The following PIK3R1 variants were observed in gnomAD, a reference collection of about 807,000 sequenced individuals.
The protein encoded by PIK3R1 is phosphoinositide-3-kinase regulatory subunit 1.
In PIK3R1, 29 loss-of-function variants were observed where a neutral mutation model predicts 98.0. The observed-to-expected ratio is 0.30, with a 90% CI of 0.22 to 0.40. The LOEUF is 0.40. Among genes scored for constraint, PIK3R1 ranks in the 10% least tolerant of loss-of-function variants. The pLI is 1.00. For missense variants in PIK3R1, 596 were observed against 872.7 expected (o/e 0.68, Z 3.99); for synonymous variants, 282 against 311.8 (o/e 0.90, Z 1.01).
chr5:68,265,190 C>T lies in PIK3R1; in HGVS notation c.335-8200C>T, dbSNP rs147562938. ...CTGCACCCCGACCTCCTGAATCAGG[C>T]TGTTAATATGTACATTAAAGTTGGG... On this transcript the variant is annotated intron_variant, in intron 2 of 15. Transcript: ENST00000521381. Among the ~76,000 whole-genome samples, 684 of 151,290 alleles carry T rather than the reference C, an allele frequency of 4.5e-3. 6 individuals are homozygous for T. Among genetic ancestry groups the T allele is most frequent in the African/African-American group, 0.016 (662 of 41,080 alleles).
At chr5:68,273,909 A>G (rs1561285280) in intron 3 of PIK3R1, 30 bp from the exon 4 acceptor site, 5 of 1,574,838 alleles carry the variant, frequency 3.2e-6, no homozygotes, top group Non-Finnish European at 4.4e-6. Context: ...TGTTTTGCAT[A>G]CATGGTCTGT....
chr5:68,224,339 T>G (rs1204287138), intron 1 of PIK3R1, among the ~76,000 whole-genome samples: 1 of 152,244 alleles, frequency 6.6e-6, no homozygotes, highest in African/African-American at 2.4e-5. Context: ...ATAATATAGC[T>G]TATTTTTCTG....
intron 4 of PIK3R1, among the ~76,000 whole-genome samples, chr5:68,279,111 G>C (rs188958227): frequency 6.6e-6 from 1 of 152,258 alleles, no homozygotes; most frequent in African/African-American, 2.4e-5. Context: ...GTCTCTCTCT[G>C]TGTCCTCATT....
intron 2 of PIK3R1, among the ~76,000 whole-genome samples, chr5:68,271,600 C>A (rs114190419): frequency 3.1e-4 from 47 of 152,250 alleles, no homozygotes; most frequent in Admixed American, 7.2e-4. Context: ...AAATTCAGTT[C>A]TTCACTGGGA....
rs1386976488 is a variant in PIK3R1 at position 68,217,653 on chromosome 5, T to TGTGTGTGTGTGTGCGCGCGCGCGCGC, written c.-387+1705_-387+1706insTGTGTGTGTGTGCGCGCGCGCGCGCG. 4.8e-4 allele frequency: 72 copies of TGTGTGTGTGTGTGCGCGCGCGCGCGC among 149,376 alleles called. 1 individual carries two copies. Among genetic ancestry groups the TGTGTGTGTGTGTGCGCGCGCGCGCGC allele is most frequent in the African/African-American group, 1.6e-3 (65 of 40,136 alleles). The allele number at this position is 149,376 out of a possible 1,614,324, so 9.3% of individuals were successfully genotyped here. A position where few individuals can be genotyped will look rare whatever the true frequency, so the allele number is the denominator to read the frequency against. ...GGGTGTGTGTGTGTGTGTGTGTGTG[T>TGTGTGTGTGTGTGCGCGCGCGCGCGC]GCGCGCGCGTGCCTGCGGCTAAAGT... On this transcript the variant is annotated intron_variant, in intron 1 of 15. Coordinates refer to ENST00000521381, the MANE Select transcript of PIK3R1 (RefSeq NM_181523.3).
intron 2 of PIK3R1, among the ~76,000 whole-genome samples, chr5:68,235,347 G>C (rs1301387582): frequency 7.2e-5 from 11 of 151,970 alleles, no homozygotes; most frequent in Non-Finnish European, 5.9e-5. Flanking sequence ...AGGTTGCAGT[G>C]AGCCGAGATT....
chr5:68,240,132 A>G (rs1001892431), intron 2 of PIK3R1, among the ~76,000 whole-genome samples: 1 of 150,182 alleles, frequency 6.7e-6, no homozygotes, highest in Non-Finnish European at 1.5e-5. Flanking sequence ...GTATAAATAT[A>G]TATTTGTATA....
At chr5:68,285,364 A>G (rs1365716969) in intron 7 of PIK3R1, among the ~76,000 whole-genome samples, 1 of 152,238 alleles carries the variant, frequency 6.6e-6, no homozygotes, top group East Asian at 1.9e-4. Context: ...AACCCAGACT[A>G]AAGGCAAGCA....
intron 2 of PIK3R1, among the ~76,000 whole-genome samples, chr5:68,262,403 T>TATATATAC (rs33968242): frequency 0.045 from 6,254 of 140,438 alleles, 194 homozygotes; most frequent in African/African-American, 0.061. Flanking sequence ...TATATATATA[T>TATATATAC]ACACACACGC....
intron 2 of PIK3R1, among the ~76,000 whole-genome samples, chr5:68,236,335 C>T (rs1219055779): frequency 6.6e-6 from 1 of 150,396 alleles, no homozygotes; most frequent in East Asian, 2.0e-4. Flanking sequence ...CTGCAAGCTC[C>T]GCCTCCTGGG....
chr5:68,216,773 T>A (rs574976924), intron 1 of PIK3R1, among the ~76,000 whole-genome samples: 19 of 152,284 alleles, frequency 1.2e-4, no homozygotes, highest in African/African-American at 4.3e-4. Flanking sequence ...AAACCACAGC[T>A]CTAACCTAAG....
chr5:68,225,469 C>T (rs1455508272), intron 1 of PIK3R1, among the ~76,000 whole-genome samples: 1 of 152,164 alleles, frequency 6.6e-6, no homozygotes, highest in African/African-American at 2.4e-5. Flanking sequence ...CTCATTAATG[C>T]AGGATCAGGC....
chr5:68,301,177 T>C lies in PIK3R1; in HGVS notation c.*3576T>C, dbSNP rs899070316. On this transcript the variant is annotated 3_prime_UTR_variant, in exon 16 of 16. Transcript: ENST00000521381. The stretch of plus-strand genomic sequence containing the variant: ...GCAGTTTAAAGCACAATGTCTCACA[T>C]GGGACAAAGTTCCAAAATGCCAAAT... 9 of 222,890 alleles carry C rather than the reference T, an allele frequency of 4.0e-5. No individual in the cohort carries two copies. The highest frequency in any genetic ancestry group is 6.3e-5 in the Non-Finnish European group (7 of 111,638). The allele number at this position is 222,890 out of a possible 1,614,324, so 13.8% of individuals were successfully genotyped here.
chr5:68,283,976 T>G (rs555908725), intron 7 of PIK3R1, among the ~76,000 whole-genome samples: 2 of 152,344 alleles, frequency 1.3e-5, no homozygotes, highest in African/African-American at 4.8e-5. Context: ...GGGCAATGTT[T>G]ATACTTTTCA....
At chr5:68,273,256 A>G in intron 2 of PIK3R1, 134 bp from the exon 3 acceptor site, 1 of 790,074 alleles carries the variant, frequency 1.3e-6, no homozygotes, top group Admixed American at 1.8e-5. Flanking sequence ...TGGCCTGGAA[A>G]GTGCAAAAGC....
chr5:68,296,734 C>G (rs1222180012), intron 15 of PIK3R1, among the ~76,000 whole-genome samples: 3 of 151,806 alleles, frequency 2.0e-5, no homozygotes, highest in Non-Finnish European at 2.9e-5. Flanking sequence ...AGGAAAAATA[C>G]TCATCAGGAA....
In PIK3R1 at chr5:68,298,390, G is replaced by C; in HGVS notation, c.*789G>C. ...TAGCTTCTGTTTTGTTTTGCTGAAG[G>C]CTAAATTCACAGCGCTATGCAATTC... On this transcript the variant is annotated 3_prime_UTR_variant, in exon 16 of 16. Transcript: ENST00000521381. The C allele has an allele frequency of 4.3e-6, 1 of 233,136 alleles. No homozygotes were observed. The allele number at this position is 233,136 out of a possible 1,614,324, so 14.4% of individuals were successfully genotyped here.
intron 2 of PIK3R1, among the ~76,000 whole-genome samples, chr5:68,256,945 A>G (rs1280607431): frequency 1.3e-5 from 2 of 152,300 alleles, no homozygotes; most frequent in African/African-American, 4.8e-5. Flanking sequence ...CCTGTGGTAC[A>G]GAGCATGTGT....
At chr5:68,273,538 C>T (rs1280756182) in intron 3 of PIK3R1, 56 bp downstream of exon 3, 31 of 1,376,168 alleles carry the variant, frequency 2.3e-5, no homozygotes, top group Non-Finnish European at 3.0e-5. Context: ...TTTCATGGCT[C>T]TTATTATTTG....
Sources: allele counts gnomAD v4.1 joint callset (sites outside exome capture counted in the v4.1 genomes callset), GRCh38; gene constraint gnomAD v4.1.1; transcripts MANE v1.5; gene names NCBI Gene and HGNC (gene_info 2026-07-23, HGNC 2026-07-21).